DRGX: variants seen among roughly 807,000 people sequenced by gnomAD.
DRGX encodes dorsal root ganglia homeobox, also known as dorsal root ganglia homeobox protein.
In DRGX, 21 loss-of-function variants were observed where a neutral mutation model predicts 28.6. That is an observed-to-expected ratio of 0.73 (90% CI 0.52 to 1.06). The LOEUF (loss-of-function observed/expected upper bound fraction) is 1.06, where lower values mean the gene tolerates loss of function less well. Among genes scored for constraint, DRGX ranks in the 50% least tolerant of loss-of-function variants. The pLI is 0.00. For missense variants in DRGX, 354 were observed against 343.9 expected (o/e 1.03, Z -0.23); for synonymous variants, 136 against 139.1 (o/e 0.98, Z 0.16).
chr10:49,389,272 T>C (rs1454998958), intron 4 of DRGX, among the ~76,000 whole-genome samples: 2 of 152,184 alleles, frequency 1.3e-5, no homozygotes, highest in African/African-American at 2.4e-5. Context: ...TCTTCAGCCA[T>C]TGGTTTTTAA....
chr10:49,389,533 T>C lies in DRGX; in HGVS notation c.234+600A>G, dbSNP rs531077503. Among the ~76,000 whole-genome samples the C allele has an allele frequency of 1.3e-4, 20 of 152,314 alleles. No homozygotes were observed. In the East Asian group the frequency reaches 3.9e-3, roughly 29 times the overall value. On this transcript the variant is annotated intron_variant, in intron 4 of 6. Coordinates refer to ENST00000374139, the MANE Select transcript of DRGX (RefSeq NM_001276451.2). The stretch of plus-strand genomic sequence containing the variant: ...CGGCGGGCAGGTTTGTGTGCCTAAA[T>C]GTAATCACCGTGTAGCTTCTAAACA...
intron 4 of DRGX, among the ~76,000 whole-genome samples, chr10:49,389,747 T>C (rs773690152): frequency 1.3e-5 from 2 of 152,160 alleles, no homozygotes; most frequent in Non-Finnish European, 1.5e-5. Context: ...GCTTCCCATC[T>C]GAAAACGCGG....
In DRGX at chr10:49,389,302, G is replaced by A. The variant is rs1849873512; in HGVS notation, c.234+831C>T. On this transcript the variant is annotated intron_variant, in intron 4 of 6. Coordinates refer to ENST00000374139, the MANE Select transcript of DRGX (RefSeq NM_001276451.2). ...TTTTAAGAGATACTAACATGACCCA[G>A]GGGAACCGAAAGCAAACTATTATAT... Among the ~76,000 whole-genome samples the A allele has an allele frequency of 2.0e-5, 3 of 152,158 alleles. No individual in the cohort carries two copies. In the South Asian group the frequency reaches 6.2e-4, roughly 32 times the overall value.
In DRGX at chr10:49,366,115, C is replaced by T. The variant is rs770704583; in HGVS notation, c.*1G>A. ...CAGGCCGGGCGGGGCACTGTGGACC[C>T]TCATACACTCTTCTCTGCCTCGCTC... On this transcript the variant is annotated 3_prime_UTR_variant, in exon 7 of 7. Transcript: ENST00000374139. 1.5e-5 allele frequency: 23 copies of T among 1,577,490 alleles called. No homozygotes were observed. The highest frequency in any genetic ancestry group is 2.7e-5 in the African/African-American group (2 of 74,430).
At chr10:49,395,238 G>A (rs976043407) in intron 2 of DRGX, among the ~76,000 whole-genome samples, 169 bp downstream of exon 2, 1 of 152,094 alleles carries the variant, frequency 6.6e-6, no homozygotes, top group African/African-American at 2.4e-5. Context: ...GAGCTGGAGC[G>A]GGCCTGGAGT....
chr10:49,367,269 A>G (rs753266220), intron 6 of DRGX, among the ~76,000 whole-genome samples: 2 of 152,144 alleles, frequency 1.3e-5, no homozygotes, highest in African/African-American at 2.4e-5. Flanking sequence ...AGGCTGAGGC[A>G]GGAAGATCAC....
At chr10:49,381,014 A>G (rs1245542644) in intron 6 of DRGX, among the ~76,000 whole-genome samples, 1 of 152,216 alleles carries the variant, frequency 6.6e-6, no homozygotes, top group Non-Finnish European at 1.5e-5. Flanking sequence ...CAGATGAGTG[A>G]GCAGAAGTAC....
Position 49,366,246 on chromosome 10 carries a change from A to C in DRGX, c.662T>G (p.Leu221Arg), listed in dbSNP as rs765256410. The C allele has an allele frequency of 4.3e-6, 7 of 1,613,836 alleles. No homozygotes were observed. Residue 221 changes from leucine (L) to arginine (R), a missense_variant, in exon 7 of 7, where the codon CTG becomes CGG. Coordinates refer to ENST00000374139, the MANE Select transcript of DRGX (RefSeq NM_001276451.2). Reference protein sequence around the residue: ...MKAREHSEAVLQSANLLPSTS... With the variant: ...MKAREHSEAVRQSANLLPSTS... ...GGAAGGCAGGAGGTTGGCTGACTGCAGGACAGCTTCTGAGTGCTCGCGGGC... is the reference window on the plus strand; with the variant it reads ...GGAAGGCAGGAGGTTGGCTGACTGCCGGACAGCTTCTGAGTGCTCGCGGGC...
In DRGX at chr10:49,364,184, G is replaced by A. The variant is rs1849573207; in HGVS notation, c.*1932C>T. On this transcript the variant is annotated 3_prime_UTR_variant, in exon 7 of 7. Coordinates refer to ENST00000374139, the MANE Select transcript of DRGX (RefSeq NM_001276451.2). The stretch of plus-strand genomic sequence containing the variant: ...GTACTCAATATCTCTGCAGAGGTTT[G>A]GTGCTCATTTTCTTTCCTTTCAGTA... The A allele has an allele frequency of 6.6e-6, 1 of 152,134 alleles. No homozygotes were observed. The highest frequency in any genetic ancestry group is 2.1e-4 in the South Asian group (1 of 4,830). 9.4% of individuals were successfully genotyped at this position (152,134 alleles called of 1,614,324 possible). A position where few individuals can be genotyped will look rare whatever the true frequency, so the allele number is the denominator to read the frequency against.
intron 6 of DRGX, among the ~76,000 whole-genome samples, chr10:49,372,157 C>G (rs1299760976): frequency 1.3e-5 from 2 of 152,202 alleles, no homozygotes; most frequent in African/African-American, 2.4e-5. Context: ...GAAAACTGCA[C>G]CAAGCCTGTG....
chr10:49,378,326 C>G (rs1849737792), intron 6 of DRGX, among the ~76,000 whole-genome samples: 1 of 152,152 alleles, frequency 6.6e-6, no homozygotes, highest in Non-Finnish European at 1.5e-5. Flanking sequence ...AACAGCAGGT[C>G]ACACACACCA....
intron 6 of DRGX, among the ~76,000 whole-genome samples, chr10:49,385,819 G>A (rs1849827304): frequency 6.6e-6 from 1 of 151,950 alleles, no homozygotes; most frequent in African/African-American, 2.4e-5. Context: ...TCTGTTCCTG[G>A]CCAACACAGC....
Position 49,390,210 on chromosome 10 carries a change from C to A in DRGX, c.157G>T (p.Ala53Ser). The change falls in exon 4 of 7, where the codon GCC becomes TCC. Residue 53 changes from alanine to serine, a missense_variant. By Grantham distance (99) the Ala-to-Ser change is moderately conservative. Transcript: ENST00000374139. ...AAGACATCTGGATAGTGTGTTTGGG[C>A]AAAAACGGCCTCGAGAGCTTCCAGC... The part of the protein sequence containing the change: ...QQLEALEAVF[A>S]QTHYPDVFTR... 1 of 1,611,750 alleles carries A rather than the reference C, an allele frequency of 6.2e-7. No homozygotes were observed. The highest frequency in any genetic ancestry group is 1.7e-5 in the Admixed American group (1 of 59,802).
Position 49,364,967 on chromosome 10 carries a change from T to C in DRGX, c.*1149A>G, listed in dbSNP as rs1766590007. The C allele has an allele frequency of 6.6e-6, 1 of 152,186 alleles. No homozygotes were observed. Among genetic ancestry groups the C allele is most frequent in the South Asian group, 2.1e-4 (1 of 4,828 alleles). 9.4% of individuals were successfully genotyped at this position (152,186 alleles called of 1,614,324 possible). On this transcript the variant is annotated 3_prime_UTR_variant, in exon 7 of 7. Transcript: ENST00000374139. ...GAGCTTATGCTATTGCACGTTCCCCTTGGATCTCCTCTAGGTCACCATCCT... is the reference window on the plus strand; with the variant it reads ...GAGCTTATGCTATTGCACGTTCCCCCTGGATCTCCTCTAGGTCACCATCCT...
intron 6 of DRGX, among the ~76,000 whole-genome samples, chr10:49,366,755 T>C (rs1405982230): frequency 6.6e-6 from 1 of 152,202 alleles, no homozygotes; most frequent in African/African-American, 2.4e-5. Context: ...CCAAACTGTG[T>C]CAAGGCACCC....
At position 49,395,426 on chromosome 10, in the gene DRGX, G is replaced by A. The variant is rs542844327; in HGVS notation, c.15C>T (p.His5=). Residue 5 remains histidine, a synonymous_variant, in exon 2 of 7, where the codon CAC becomes CAT. Transcript: ENST00000374139. MFYF[H]CPPQLEGTAT... is the part of the protein sequence containing the mutation. ...ACTTACCCTCTAGCTGTGGCGGGCA[G>A]TGGAAATAAAACATCGCCGGCTGTC... The A allele has an allele frequency of 6.6e-5, 102 of 1,550,350 alleles. No homozygotes were observed. The African/African-American group carries it at 1.2e-3, about 18-fold the overall frequency.
chr10:49,382,145 C>T (rs1289807204), intron 6 of DRGX, among the ~76,000 whole-genome samples: 2 of 152,146 alleles, frequency 1.3e-5, no homozygotes, highest in Non-Finnish European at 2.9e-5. Flanking sequence ...CATTGTCCCC[C>T]AACCAGCCAT....
At chr10:49,373,106 T>G (rs533764108) in intron 6 of DRGX, among the ~76,000 whole-genome samples, 1 of 152,092 alleles carries the variant, frequency 6.6e-6, no homozygotes, top group African/African-American at 2.4e-5. Context: ...AATAAAAAAA[T>G]TTTAAGCTAT....
intron 6 of DRGX, among the ~76,000 whole-genome samples, chr10:49,380,985 G>C (rs967432741): frequency 1.1e-4 from 16 of 152,182 alleles, no homozygotes; most frequent in African/African-American, 3.9e-4. Context: ...GTGCTATTAT[G>C]ATCAAGATCC....
Sources: allele counts gnomAD v4.1 joint callset (sites outside exome capture counted in the v4.1 genomes callset), GRCh38; gene constraint gnomAD v4.1.1; transcripts MANE v1.5; gene names NCBI Gene and HGNC (gene_info 2026-07-23, HGNC 2026-07-21).